The following PCDHGB5 variants were observed in gnomAD, a reference collection of about 807,000 sequenced individuals.
The protein encoded by PCDHGB5 is protocadherin gamma subfamily B, 5, also known as protocadherin gamma-B5.
Under a neutral mutation model 62.9 loss-of-function variants are expected in PCDHGB5, and 48 were observed. That is an observed-to-expected ratio of 0.76 (90% CI 0.61 to 0.97). The LOEUF (loss-of-function observed/expected upper bound fraction) is 0.97, where lower values mean the gene tolerates loss of function less well. Ranked by LOEUF, PCDHGB5 falls within the 50% of genes least tolerant of loss-of-function variation. PCDHGB5 has a pLI of 0.00. For missense variants in PCDHGB5, 1,118 were observed against 1,198.6 expected (o/e 0.93, Z 0.99); for synonymous variants, 474 against 511.2 (o/e 0.93, Z 0.98).
At chr5:141,414,882 C>T (rs759814512) in intron 1 of PCDHGB5, 7 of 1,614,104 alleles carry the variant, frequency 4.3e-6, no homozygotes, top group East Asian at 4.5e-5. Context: ...TCCTGTACCC[C>T]GCCCTCCCCA....
chr5:141,453,287 A>T (rs900058377), intron 1 of PCDHGB5, among the ~76,000 whole-genome samples: 1 of 151,368 alleles, frequency 6.6e-6, no homozygotes, highest in Non-Finnish European at 1.5e-5. Context: ...CTAATTTTTT[A>T]ATTATTTATT....
rs1292747996 is a variant in PCDHGB5, at chr5:141,475,972, T to C, written c.2398-18835T>C. 2.0e-5 allele frequency: 19 copies of C among 963,712 alleles called. No individual in the cohort carries two copies. In the East Asian group the frequency reaches 3.4e-4, roughly 17 times the overall value. The allele number at this position is 963,712 out of a possible 1,614,324, so 59.7% of individuals were successfully genotyped here. A position where few individuals can be genotyped will look rare whatever the true frequency, so the allele number is the denominator to read the frequency against. ...CTGCGCCCCGGGATGAGGCAGAGAC[T>C]GAACAGCCGGCGAGCAAATCAACGG... On this transcript the variant is annotated intron_variant, in intron 1 of 3. Transcript: ENST00000617380.
rs373297942 is a variant in PCDHGB5 at position 141,431,494 on chromosome 5, C to G, written c.2397+30970C>G. ...ACAACGCACCAGCGTTTGCTCAGCCCGAGTACCGCGCGAGCGTTCCGGAGA... is the reference window on the plus strand; with the variant it reads ...ACAACGCACCAGCGTTTGCTCAGCCGGAGTACCGCGCGAGCGTTCCGGAGA... On this transcript the variant is annotated intron_variant, in intron 1 of 3. Transcript: ENST00000617380. This position sits in a 1 kb window ranked among gnomAD's most constrained non-coding sequence, Gnocchi z 4.8. 16 of 1,613,838 alleles carry G rather than the reference C, an allele frequency of 9.9e-6. No individual in the cohort carries two copies. The highest frequency in any genetic ancestry group is 1.4e-5 in the Non-Finnish European group (16 of 1,180,030).
At chr5:141,422,348 A>G (rs1163115969) in intron 1 of PCDHGB5, 1 of 1,554,608 alleles carries the variant, frequency 6.4e-7, no homozygotes, top group Non-Finnish European at 8.7e-7. Context: ...AATGTGCAAG[A>G]TCAAGATTCT....
At chr5:141,430,878 A>G in intron 1 of PCDHGB5, 1 of 1,600,748 alleles carries the variant, frequency 6.2e-7, no homozygotes, top group Admixed American at 1.8e-5. Context: ...GAAGAGCTGG[A>G]GAAAGGCTCT....
In PCDHGB5 at chr5:141,487,636, AC is replaced by A. The variant is rs1562120737; in HGVS notation, c.2398-7170del. On this transcript the variant is annotated intron_variant, in intron 1 of 3. Coordinates refer to ENST00000617380, the MANE Select transcript of PCDHGB5 (RefSeq NM_018925.3). The surrounding 1 kb of genome is among the most constrained non-coding windows in gnomAD (Gnocchi z 5.0). ...TAGAGGTGAGACCTTTGCAGGCTCA[AC>A]AAATGCTTGAGGGTTATTCTGATCC... 1 of 1,614,192 alleles carries A rather than the reference AC, an allele frequency of 6.2e-7. No individual in the cohort carries two copies. The highest frequency in any genetic ancestry group is 2.2e-5 in the East Asian group (1 of 44,886).
intron 1 of PCDHGB5, among the ~76,000 whole-genome samples, chr5:141,481,782 T>C (rs1348977678): frequency 6.6e-6 from 1 of 152,008 alleles, no homozygotes; most frequent in African/African-American, 2.4e-5. Context: ...TGAAACCCCG[T>C]CTCTACTAAA....
In PCDHGB5 at chr5:141,400,641, G is replaced by C. The variant is rs1427284697; in HGVS notation, c.2397+117G>C. On this transcript the variant is annotated intron_variant, in intron 1 of 3. Coordinates refer to ENST00000617380, the MANE Select transcript of PCDHGB5 (RefSeq NM_018925.3). ...GTCTTAGGGAAGTCAGAGCTGCTCA[G>C]AAAGCTGTCCTACCATTCTTTAAGA... The C allele has an allele frequency of 9.3e-6, 12 of 1,288,952 alleles. No homozygotes were observed. The East Asian group carries it at 2.8e-4, about 30-fold the overall frequency. 79.8% of individuals were successfully genotyped at this position (1,288,952 alleles called of 1,614,324 possible). A position where few individuals can be genotyped will look rare whatever the true frequency, so the allele number is the denominator to read the frequency against.
At position 141,400,538 on chromosome 5, in the gene PCDHGB5, A is replaced by G. The variant is rs994052728; in HGVS notation, c.2397+14A>G. The G allele has an allele frequency of 6.2e-7, 1 of 1,613,662 alleles. No homozygotes were observed. The highest frequency in any genetic ancestry group is 1.3e-5 in the African/African-American group (1 of 74,876). ...CATCCTGAGTTGGTGAGTTTCATTT[A>G]TGTCTATTCTTTTTCATTACCCACC... On this transcript the variant is annotated intron_variant, in intron 1 of 3. Transcript: ENST00000617380.
rs774140980 is a variant in PCDHGB5, at chr5:141,420,167, T to G, written c.2397+19643T>G. On this transcript the variant is annotated intron_variant, in intron 1 of 3. Transcript: ENST00000617380. ...GAATCCAGAATTTAATTTTTTCACA[T>G]CTGTTGATCATTGTCCAGCCACACA... 3 of 1,614,082 alleles carry G rather than the reference T, an allele frequency of 1.9e-6. No homozygotes were observed. The South Asian group carries it at 3.3e-5, about 18-fold the overall frequency.
chr5:141,459,687 G>A (rs191874235), intron 1 of PCDHGB5, among the ~76,000 whole-genome samples: 15 of 152,278 alleles, frequency 9.9e-5, no homozygotes, highest in Admixed American at 2.0e-4. Context: ...TGCATAAAGC[G>A]TTCCGCTTGC....
At chr5:141,443,344 G>T (rs1016738767) in intron 1 of PCDHGB5, among the ~76,000 whole-genome samples, 2 of 151,966 alleles carry the variant, frequency 1.3e-5, no homozygotes, top group African/African-American at 2.4e-5. Context: ...AATTAACAAG[G>T]TTTAGTGGTC....
chr5:141,511,728 A>C lies in PCDHGB5; in HGVS notation c.*555A>C, dbSNP rs904031366. 2.2e-5 allele frequency: 4 copies of C among 177,940 alleles called. No homozygotes were observed. The highest frequency in any genetic ancestry group is 7.0e-5 in the African/African-American group (3 of 42,626). 11.0% of individuals were successfully genotyped at this position (177,940 alleles called of 1,614,324 possible). ...TCACCTCCTTCCAGAGCCCAAGATC[A>C]ATGCTCAAGTTTTGGAGGACATGAT... On this transcript the variant is annotated 3_prime_UTR_variant, in exon 4 of 4. Coordinates refer to ENST00000617380, the MANE Select transcript of PCDHGB5 (RefSeq NM_018925.3).
chr5:141,489,800 A>G lies in PCDHGB5; in HGVS notation c.2398-5007A>G. 6.2e-7 allele frequency: 1 copy of G among 1,614,166 alleles called. No homozygotes were observed. Among genetic ancestry groups the G allele is most frequent in the Non-Finnish European group, 8.5e-7 (1 of 1,179,994 alleles). On this transcript the variant is annotated intron_variant, in intron 1 of 3. Coordinates refer to ENST00000617380, the MANE Select transcript of PCDHGB5 (RefSeq NM_018925.3). This position sits in a 1 kb window ranked among gnomAD's most constrained non-coding sequence, Gnocchi z 4.5. ...TCTCTGAATGTGAAGACCCTAAAAG[A>G]TGGGAAGCCATTCCCAGAGCTGGTG...
intron 1 of PCDHGB5, chr5:141,428,086 G>C: frequency 1.9e-6 from 3 of 1,609,122 alleles, no homozygotes; most frequent in Non-Finnish European, 1.7e-6. Context: ...CACAACGCTT[G>C]GCTGTCCTAC....
chr5:141,417,641 C>G (rs1266850894), intron 1 of PCDHGB5: 12 of 779,426 alleles, frequency 1.5e-5, no homozygotes, highest in Non-Finnish European at 2.1e-5. Context: ...CCGGGGATCC[C>G]TCAGCCTCTA....
Position 141,485,835 on chromosome 5 carries a change from C to T in PCDHGB5, c.2398-8972C>T, listed in dbSNP as rs747722740. On this transcript the variant is annotated intron_variant, in intron 1 of 3. Transcript: ENST00000617380. This position sits in a 1 kb window ranked among gnomAD's most constrained non-coding sequence, Gnocchi z 5.7. ...ACTGCTGTCGATGGAGGGAACCCGC[C>T]GAGATCTGGCACCGCAGAGCTCCGG... 6.2e-7 allele frequency: 1 copy of T among 1,614,190 alleles called. No homozygotes were observed. Among genetic ancestry groups the T allele is most frequent in the Non-Finnish European group, 8.5e-7 (1 of 1,180,048 alleles).
chr5:141,484,123 T>C (rs2099592351), intron 1 of PCDHGB5, among the ~76,000 whole-genome samples: 1 of 152,174 alleles, frequency 6.6e-6, no homozygotes, highest in South Asian at 2.1e-4. Flanking sequence ...AAGAATACCT[T>C]GGTGTCAGAT....
intron 1 of PCDHGB5, among the ~76,000 whole-genome samples, chr5:141,454,343 A>G (rs1161350416): frequency 2.6e-5 from 4 of 152,248 alleles, no homozygotes; most frequent in African/African-American, 7.2e-5. Flanking sequence ...AAATGTTGGA[A>G]GTTGATCCAA....
Sources: gnomAD v4.1 joint callset for allele counts (sites outside exome capture counted in the v4.1 genomes callset) on GRCh38, gnomAD v4.1.1 for gene constraint, Gnocchi (gnomAD v3.1) non-coding constraint, MANE v1.5 for transcripts, NCBI Gene and HGNC (gene_info 2026-07-23, HGNC 2026-07-21) for gene names.